GBP7: variants seen among roughly 807,000 people sequenced by gnomAD.
The protein encoded by GBP7 is guanylate-binding protein 7.
A neutral mutation model predicts 61.3 loss-of-function variants in GBP7; 43 were observed. The observed-to-expected ratio is 0.70, with a 90% CI of 0.55 to 0.91. GBP7 has a LOEUF of 0.91. GBP7 is among the 40% of genes least tolerant of loss of function. The pLI is 0.00. For synonymous variants in GBP7, 267 were observed against 271.0 expected (o/e 0.99, Z 0.14); for missense variants, 717 against 740.5 (o/e 0.97, Z 0.37).
rs779459312 is a variant in GBP7, at chr1:89,164,742, C to T, written c.307G>A (p.Asp103Asn). ...TGTCTCTTTCTTACCTTTTCCATAT[C>T]ACCCAGGCCCTCCGTGTCCAGAAGG... ...LILLDTEGLG[D>N]MEKSDPKSDS... Residue 103 changes from aspartate to asparagine, a missense_variant, in exon 3 of 11, where the codon GAT becomes AAT. This residue lies in a region of GBP7 where 387 missense variants were observed against 385.2 expected (regional missense o/e 1.00). Coordinates refer to ENST00000294671, the MANE Select transcript of GBP7 (RefSeq NM_207398.3). 1 of 1,613,750 alleles carries T rather than the reference C, an allele frequency of 6.2e-7. No homozygotes were observed. Among genetic ancestry groups the T allele is most frequent in the Non-Finnish European group, 8.5e-7 (1 of 1,179,766 alleles).
intron 8 of GBP7, among the ~76,000 whole-genome samples, chr1:89,146,689 C>T (rs917525827): frequency 2.6e-5 from 4 of 152,106 alleles, no homozygotes; most frequent in African/African-American, 9.7e-5. Context: ...TATGTGAAAG[C>T]ATGTTCCGCA....
intron 1 of GBP7, among the ~76,000 whole-genome samples, chr1:89,174,940 G>A (rs1399162525): frequency 6.6e-6 from 1 of 152,148 alleles, no homozygotes; most frequent in Non-Finnish European, 1.5e-5. Flanking sequence ...TGTATAGAGA[G>A]TAGCATATGC....
At chr1:89,133,854 G>T (rs1483392838) in intron 9 of GBP7, among the ~76,000 whole-genome samples, 2 of 152,200 alleles carry the variant, frequency 1.3e-5, no homozygotes, top group Non-Finnish European at 2.9e-5. Flanking sequence ...GACTTGGTAG[G>T]GACAGGACTC....
intron 3 of GBP7, among the ~76,000 whole-genome samples, chr1:89,158,653 G>A (rs1682367821): frequency 6.6e-6 from 1 of 152,134 alleles, no homozygotes; most frequent in Admixed American, 6.5e-5. Context: ...CAACTTACAA[G>A]GGATGTGAAG....
intron 2 of GBP7, among the ~76,000 whole-genome samples, chr1:89,165,746 C>T (rs1647407726): frequency 6.8e-6 from 1 of 147,160 alleles, no homozygotes; most frequent in Non-Finnish European, 1.5e-5. Flanking sequence ...GGGAGGGGAA[C>T]ATCACACAAC....
At chr1:89,167,277 C>A (rs775053333) in intron 2 of GBP7, among the ~76,000 whole-genome samples, 1 of 152,170 alleles carries the variant, frequency 6.6e-6, no homozygotes, top group Non-Finnish European at 1.5e-5. Flanking sequence ...GGGTTAAAAT[C>A]CCTTCTTTTT....
At chr1:89,148,583 T>C (rs74577402) in intron 7 of GBP7, among the ~76,000 whole-genome samples, 1 of 152,244 alleles carries the variant, frequency 6.6e-6, no homozygotes, top group African/African-American at 2.4e-5. Context: ...TTGTTTACCT[T>C]GAGGCAGAAG....
rs1192091464 is a variant in GBP7, at chr1:89,149,643, A to G, written c.872-71T>C. ...CATTGTTTTACGAGTGGTATGTATC[A>G]GCATTCTAAAAATCAGAAAAAATTC... On this transcript the variant is annotated intron_variant, in intron 6 of 10. Coordinates refer to ENST00000294671, the MANE Select transcript of GBP7 (RefSeq NM_207398.3). 5.3e-6 allele frequency: 7 copies of G among 1,320,582 alleles called. No homozygotes were observed. The South Asian group carries it at 1.1e-4, about 21-fold the overall frequency. The allele number at this position is 1,320,582 out of a possible 1,614,324, so 81.8% of individuals were successfully genotyped here.
rs537791886 is a variant in GBP7, at chr1:89,171,888, G to A, written c.48C>T (p.Asn16=). The A allele has an allele frequency of 6.2e-7, 1 of 1,613,622 alleles. No homozygotes were observed. Among genetic ancestry groups the A allele is most frequent in the Non-Finnish European group, 8.5e-7 (1 of 1,179,828 alleles). Residue 16 remains asparagine, a synonymous_variant, in exon 2 of 11, where the codon AAC becomes AAT. Coordinates refer to ENST00000294671, the MANE Select transcript of GBP7 (RefSeq NM_207398.3). ...AATTCACCACCAGATGCCCTTTAGT[G>A]TTCTCAGTGAGGCACACTGGGCCTG... ...HMPGPVCLTE[N]TKGHLVVNSE...
intron 3 of GBP7, among the ~76,000 whole-genome samples, chr1:89,157,524 A>T (rs1241775934): frequency 2.0e-5 from 3 of 152,176 alleles, no homozygotes; most frequent in Admixed American, 6.5e-5. Flanking sequence ...TATAGGGCAT[A>T]TCACCGCCGA....
At chr1:89,168,705 C>T (rs560695867) in intron 2 of GBP7, among the ~76,000 whole-genome samples, 6 of 152,042 alleles carry the variant, frequency 3.9e-5, no homozygotes, top group South Asian at 4.2e-4. Context: ...GAGGCCAAGG[C>T]GGGTGGATCA....
In GBP7 at chr1:89,152,517, C is replaced by T; in HGVS notation, c.429-53G>A. 1.7e-5 allele frequency: 27 copies of T among 1,566,004 alleles called. 1 individual carries two copies. Among genetic ancestry groups the T allele is most frequent in the African/African-American group, 4.1e-5 (3 of 73,804 alleles). On this transcript the variant is annotated intron_variant, in intron 4 of 10. Transcript: ENST00000294671. Reference sequence around the variant, plus strand: ...ACCCTACACCATCATTTCCACATCTCACTTAGAAACAAGTTTTATACACAT... The same window carrying T: ...ACCCTACACCATCATTTCCACATCTTACTTAGAAACAAGTTTTATACACAT...
chr1:89,149,044 A>G (rs1324433138), intron 7 of GBP7, among the ~76,000 whole-genome samples: 1 of 152,174 alleles, frequency 6.6e-6, no homozygotes, highest in Non-Finnish European at 1.5e-5. Flanking sequence ...TATTAAATGT[A>G]GTTAGTATGT....
chr1:89,148,273 A>C (rs1332039445), intron 7 of GBP7, among the ~76,000 whole-genome samples: 1 of 152,214 alleles, frequency 6.6e-6, no homozygotes, highest in Non-Finnish European at 1.5e-5. Context: ...GGGTTTTCTC[A>C]ATATGTACTA....
At chr1:89,169,953 A>G (rs1016211825) in intron 2 of GBP7, among the ~76,000 whole-genome samples, 6 of 152,208 alleles carry the variant, frequency 3.9e-5, no homozygotes, top group Admixed American at 3.9e-4. Context: ...TTCTGTGCGT[A>G]CTTGATGGAA....
chr1:89,173,531 GGAAAAATAAATTTACTTCCTATA>G (rs1207623984), intron 1 of GBP7, among the ~76,000 whole-genome samples: 2 of 152,066 alleles, frequency 1.3e-5, no homozygotes. Context: ...ATAAGTCTGT[GGAAAAATAAATTTACTTCCTATA>G]GAAAATTATT....
intron 6 of GBP7, among the ~76,000 whole-genome samples, chr1:89,150,019 A>C (rs619178): frequency 2.0e-5 from 3 of 152,060 alleles, no homozygotes; most frequent in African/African-American, 7.2e-5. Context: ...GCTCTTTTCT[A>C]TACAGAGCAC....
At chr1:89,132,440 A>C in intron 10 of GBP7, 37 bp from the exon 11 acceptor site, 1 of 1,499,514 alleles carries the variant, frequency 6.7e-7, no homozygotes, top group Non-Finnish European at 9.0e-7. Flanking sequence ...GAAAATCCCC[A>C]ATTTTTAAGA....
Position 89,171,707 on chromosome 1 carries a change from A to G in GBP7, c.190+39T>C, listed in dbSNP as rs575862987. ...TACTAGATACTGACTGTGTAACTGG[A>G]CAGATGGGGCTCATCCATGCTTTGC... On this transcript the variant is annotated intron_variant, in intron 2 of 10. Coordinates refer to ENST00000294671, the MANE Select transcript of GBP7 (RefSeq NM_207398.3). 1.9e-6 allele frequency: 3 copies of G among 1,576,122 alleles called. No individual in the cohort carries two copies. In the African/African-American group the frequency reaches 4.1e-5, roughly 21 times the overall value.
Sources: allele counts gnomAD v4.1 joint callset (sites outside exome capture counted in the v4.1 genomes callset), GRCh38; gene constraint gnomAD v4.1.1; regional missense constraint gnomAD v4.1.1; transcripts MANE v1.5; gene names NCBI Gene and HGNC (gene_info 2026-07-23, HGNC 2026-07-21).